The following DMXL2 variants were observed in gnomAD, a reference collection of about 807,000 sequenced individuals.
DMXL2 encodes the protein Dmx like 2.
In DMXL2, 103 loss-of-function variants were observed where a neutral mutation model predicts 331.1. That is an observed-to-expected ratio of 0.31 (90% CI 0.27 to 0.37). DMXL2 has a LOEUF of 0.37. Ranked by LOEUF, DMXL2 falls within the 10% of genes least tolerant of loss-of-function variation. DMXL2 has a pLI of 1.00. For synonymous variants in DMXL2, 1,281 were observed against 1,252.1 expected (o/e 1.02, Z -0.49); for missense variants, 3,171 against 3,642.9 (o/e 0.87, Z 3.33).
At chr15:51,592,168 A>G (rs1020110512) in intron 1 of DMXL2, among the ~76,000 whole-genome samples, 9 of 151,610 alleles carry the variant, frequency 5.9e-5, no homozygotes, top group Admixed American at 5.9e-4. Context: ...AAAACCTTGA[A>G]AAAAAAAATA....
Position 51,481,389 on chromosome 15 carries a change from G to A in DMXL2, c.5717C>T (p.Ser1906Phe). The A allele has an allele frequency of 6.2e-7, 1 of 1,613,556 alleles. No homozygotes were observed. Among genetic ancestry groups the A allele is most frequent in the Non-Finnish European group, 8.5e-7 (1 of 1,179,766 alleles). Residue 1906 changes from serine (S) to phenylalanine (F), a missense_variant, in exon 24 of 44, where the codon TCC becomes TTC. Ser to Phe is a radical substitution (Grantham distance 155, BLOSUM62 -2). Coordinates refer to ENST00000560891, the MANE Select transcript of DMXL2 (RefSeq NM_001378457.1). The stretch of plus-strand genomic sequence containing the variant: ...TGTTTTGGTTACTTTTGGAATTTTG[G>A]AGAGTACCTCCAAGGCTAAAACAGG... ...GCPVLALEVL[S>F]KIPKVTKTSA...
intron 6 of DMXL2, among the ~76,000 whole-genome samples, chr15:51,555,425 T>C (rs1397562086): frequency 6.6e-6 from 1 of 152,100 alleles, no homozygotes; most frequent in African/African-American, 2.4e-5. Flanking sequence ...CAAAGTTGAA[T>C]GTCATCAGCA....
rs1195450920 is a variant in DMXL2, at chr15:51,455,165, G to A, written c.8590C>T (p.Pro2864Ser). The A allele has an allele frequency of 8.1e-6, 13 of 1,613,700 alleles. No homozygotes were observed. Among genetic ancestry groups the A allele is most frequent in the Non-Finnish European group, 1.1e-5 (13 of 1,179,768 alleles). The change falls in exon 40 of 44, where the codon CCT becomes TCT. Residue 2864 changes from proline (P) to serine (S), a missense_variant. Transcript: ENST00000560891. ...GTGATACTTACCATATAAGGTTTAG[G>A]ATTTGATGCAGTTTGGTTAACTTGC... is the stretch of plus-strand genomic sequence containing the variant. The part of the protein sequence containing the change: ...IWQVNQTASN[P>S]KPYMSWQCHS...
chr15:51,615,722 C>T (rs558429958), intron 1 of DMXL2, among the ~76,000 whole-genome samples: 1 of 152,170 alleles, frequency 6.6e-6, no homozygotes, highest in South Asian at 2.1e-4. Flanking sequence ...AATATGATTA[C>T]CTCCTGCTGA....
At chr15:51,517,254 C>A in intron 13 of DMXL2, 87 bp from the exon 14 acceptor site, 2 of 922,694 alleles carry the variant, frequency 2.2e-6, no homozygotes, top group South Asian at 1.4e-5. Flanking sequence ...TTTAAGGCCC[C>A]CTCTAAATAT....
chr15:51,495,993 G>C (rs1355205350), intron 18 of DMXL2, among the ~76,000 whole-genome samples: 1 of 151,642 alleles, frequency 6.6e-6, no homozygotes, highest in Non-Finnish European at 1.5e-5. Context: ...CATTACTTTT[G>C]CACCAACCTA....
Position 51,502,910 on chromosome 15 carries a change from T to A in DMXL2, c.2888A>T (p.Asn963Ile). ...SPMPHSSSIA[N>I]LQTASKLILS... ...AATAAGTTTACTGGCAGTTTGAAGATTGGCAATTGATGAAGAATGTGGCAT... is the reference window on the plus strand; with the variant it reads ...AATAAGTTTACTGGCAGTTTGAAGAATGGCAATTGATGAAGAATGTGGCAT... The change falls in exon 17 of 44, where the codon AAT becomes ATT. Residue 963 changes from asparagine (N) to isoleucine (I), a missense_variant. Physicochemically the swap from Asn to Ile is moderately radical, Grantham distance 149. This residue lies in a region of DMXL2 where 1,674 missense variants were observed against 1,780.2 expected (regional missense o/e 0.94). Transcript: ENST00000560891. The A allele has an allele frequency of 6.2e-7, 1 of 1,614,128 alleles. No individual in the cohort carries two copies.
chr15:51,597,309 T>G (rs569957733), intron 1 of DMXL2, among the ~76,000 whole-genome samples: 58 of 152,208 alleles, frequency 3.8e-4, no homozygotes, highest in Non-Finnish European at 7.2e-4. Context: ...AAGTAGCCAC[T>G]ACCCTTTTTG....
chr15:51,558,221 A>T (rs1233217733), intron 6 of DMXL2, among the ~76,000 whole-genome samples: 1 of 152,210 alleles, frequency 6.6e-6, no homozygotes, highest in African/African-American at 2.4e-5. Flanking sequence ...CAGAGATTCA[A>T]GCTTCTTAAT....
chr15:51,491,473 TAGAC>T, intron 20 of DMXL2, 101 bp downstream of exon 20: 1 of 1,183,334 alleles, frequency 8.5e-7, no homozygotes, highest in Non-Finnish European at 1.2e-6. Flanking sequence ...GACCTCAAGA[TAGAC>T]AAACAAATTT....
At chr15:51,497,395 C>A (rs2043260394) in intron 18 of DMXL2, among the ~76,000 whole-genome samples, 1 of 152,218 alleles carries the variant, frequency 6.6e-6, no homozygotes, top group Non-Finnish European at 1.5e-5. Context: ...TCCACTTCTA[C>A]TCCTTAATGC....
intron 1 of DMXL2, 26 bp downstream of exon 1, chr15:51,622,431 TCC>T: frequency 6.4e-7 from 1 of 1,551,734 alleles, no homozygotes; most frequent in South Asian, 1.2e-5. Context: ...CCTGGTATCT[TCC>T]CCTAGGGCTC....
rs542987361 is a variant in DMXL2, at chr15:51,488,074, A to G, written c.5097T>C (p.Phe1699=). Residue 1699 remains phenylalanine (F), a synonymous_variant, in exon 22 of 44, where the codon TTT becomes TTC. Transcript: ENST00000560891. Reference sequence around the variant, plus strand: ...CAGCTTTTCGCCATCTATCTTCATTAAAGTTGTGGCTGAAAAATGTTGTCA... The same window carrying G: ...CAGCTTTTCGCCATCTATCTTCATTGAAGTTGTGGCTGAAAAATGTTGTCA... ...EKMTTFFSHN[F]NEDRWRKAAL... 1 of 1,611,908 alleles carries G rather than the reference A, an allele frequency of 6.2e-7. No individual in the cohort carries two copies. Among genetic ancestry groups the G allele is most frequent in the Admixed American group, 1.7e-5 (1 of 59,622 alleles).
At chr15:51,538,794 T>C (rs1223680230) in intron 9 of DMXL2, among the ~76,000 whole-genome samples, 1 of 152,224 alleles carries the variant, frequency 6.6e-6, no homozygotes, top group Non-Finnish European at 1.5e-5. Flanking sequence ...TTAGATATTA[T>C]GGAATTACTT....
intron 1 of DMXL2, among the ~76,000 whole-genome samples, chr15:51,603,193 T>C (rs1221303779): frequency 6.6e-6 from 1 of 151,846 alleles, no homozygotes; most frequent in African/African-American, 2.4e-5. Flanking sequence ...AAAAGAGCAA[T>C]ATAACATAAA....
In DMXL2 at chr15:51,499,252, T is replaced by C; in HGVS notation, c.3972A>G (p.Ser1324=). Residue 1324 remains serine, a synonymous_variant, in exon 18 of 44, where the codon TCA becomes TCG. Transcript: ENST00000560891. ...AGCCACCATCTTGAATTACAGTTGG[T>C]GAACAAAAAACATCATCAGAAATAG... ...GTAISDDVFC[S]PTVIQDGGLF... 2 of 1,613,958 alleles carry C rather than the reference T, an allele frequency of 1.2e-6. No homozygotes were observed. The highest frequency in any genetic ancestry group is 1.7e-6 in the Non-Finnish European group (2 of 1,180,018).
intron 1 of DMXL2, among the ~76,000 whole-genome samples, chr15:51,591,384 G>A (rs1029413467): frequency 1.3e-5 from 2 of 152,174 alleles, no homozygotes; most frequent in African/African-American, 4.8e-5. Context: ...GCGGCTGGGG[G>A]AGGGGCGCCC....
At chr15:51,597,945 G>T (rs551554479) in intron 1 of DMXL2, among the ~76,000 whole-genome samples, 2 of 152,192 alleles carry the variant, frequency 1.3e-5, no homozygotes, top group Non-Finnish European at 2.9e-5. Flanking sequence ...CTCTTGTGAC[G>T]CACCTGTTCA....
At position 51,498,723 on chromosome 15, in the gene DMXL2, A is replaced by G. The variant is rs1310923700; in HGVS notation, c.4501T>C (p.Tyr1501His). 2 of 1,614,072 alleles carry G rather than the reference A, an allele frequency of 1.2e-6. No homozygotes were observed. The highest frequency in any genetic ancestry group is 1.7e-6 in the Non-Finnish European group (2 of 1,180,028). The part of the protein sequence containing the change: ...NKSKVINLSQ[Y>H]GPAYFGQEHA... Reference sequence around the variant, plus strand: ...TCTTGGCCAAAGTAAGCTGGTCCATATTGAGAAAGATTTATTACTTTTGAT... The same window carrying G: ...TCTTGGCCAAAGTAAGCTGGTCCATGTTGAGAAAGATTTATTACTTTTGAT... Residue 1501 changes from tyrosine (Y) to histidine (H), a missense_variant, in exon 18 of 44, where the codon TAT becomes CAT. Tyr to His is a moderately conservative substitution (Grantham distance 83). Transcript: ENST00000560891.
Sources: gnomAD v4.1 joint callset for allele counts (sites outside exome capture counted in the v4.1 genomes callset) on GRCh38, gnomAD v4.1.1 for gene constraint, gnomAD v4.1.1 regional missense constraint, MANE v1.5 for transcripts, NCBI Gene and HGNC (gene_info 2026-07-23, HGNC 2026-07-21) for gene names.